Variants in GRIA4 observed in about 807,000 individuals in gnomAD.
GRIA4 encodes glutamate receptor 4.
A neutral mutation model predicts 104.0 loss-of-function variants in GRIA4; 34 were observed. That is an observed-to-expected ratio of 0.33 (90% CI 0.25 to 0.44). GRIA4 has a LOEUF of 0.44. Among genes scored for constraint, GRIA4 ranks in the 20% least tolerant of loss-of-function variants. The pLI, the probability that GRIA4 is intolerant of heterozygous loss-of-function variation, is 1.00. For synonymous variants in GRIA4, 386 were observed against 381.9 expected (o/e 1.01, Z -0.13); for missense variants, 750 against 1,096.5 (o/e 0.68, Z 4.46).
At chr11:105,901,560 C>T (rs1257252735) in intron 7 of GRIA4, among the ~76,000 whole-genome samples, 2 of 152,070 alleles carry the variant, frequency 1.3e-5, no homozygotes, top group African/African-American at 2.4e-5. Context: ...GATTATAGCA[C>T]AATAAGACAC....
At chr11:105,938,686 G>A (rs533420779) in intron 14 of GRIA4, among the ~76,000 whole-genome samples, 1 of 152,218 alleles carries the variant, frequency 6.6e-6, no homozygotes, top group South Asian at 2.1e-4. Context: ...AAAATCATTT[G>A]CATCTCTCAA....
At chr11:105,630,064 C>T (rs973043922) in intron 3 of GRIA4, among the ~76,000 whole-genome samples, 1 of 152,104 alleles carries the variant, frequency 6.6e-6, no homozygotes, top group Non-Finnish European at 1.5e-5. Flanking sequence ...CATCTGGTCA[C>T]TTTCTTTAGG....
chr11:105,611,160 G>A, intron 2 of GRIA4, 75 bp downstream of exon 2: 2 of 1,011,622 alleles, frequency 2.0e-6, no homozygotes, highest in Non-Finnish European at 3.2e-6. Context: ...ATGAGTTGCT[G>A]ATAAGCAATT....
At chr11:105,676,329 T>C (rs994471587) in intron 3 of GRIA4, among the ~76,000 whole-genome samples, 5 of 151,732 alleles carry the variant, frequency 3.3e-5, no homozygotes, top group Admixed American at 2.0e-4. Flanking sequence ...CAGGAGGCAG[T>C]TTCAGGATTT....
At chr11:105,634,827 T>C (rs2135326577) in intron 3 of GRIA4, among the ~76,000 whole-genome samples, 1 of 152,346 alleles carries the variant, frequency 6.6e-6, no homozygotes, top group African/African-American at 2.4e-5. Context: ...ACATTGTCAG[T>C]TATATTCTAG....
intron 2 of GRIA4, among the ~76,000 whole-genome samples, chr11:105,611,372 C>T (rs1565399904): frequency 6.6e-6 from 1 of 151,894 alleles, no homozygotes; most frequent in African/African-American, 2.4e-5. Context: ...GGAAAGTCTT[C>T]GGGGAATTTG....
chr11:105,684,990 T>TA (rs1347906110), intron 3 of GRIA4, among the ~76,000 whole-genome samples: 1 of 152,132 alleles, frequency 6.6e-6, no homozygotes, highest in Non-Finnish European at 1.5e-5. Flanking sequence ...TCTTGTCAGT[T>TA]AAAAGAAAAG....
intron 10 of GRIA4, among the ~76,000 whole-genome samples, chr11:105,910,956 G>A (rs1223752317): frequency 6.6e-6 from 1 of 152,030 alleles, no homozygotes; most frequent in Non-Finnish European, 1.5e-5. Context: ...AATTAATAGT[G>A]TTTAAAATTA....
intron 3 of GRIA4, among the ~76,000 whole-genome samples, chr11:105,651,039 AT>A (rs1565434994): frequency 6.6e-6 from 1 of 152,156 alleles, no homozygotes; most frequent in Admixed American, 6.6e-5. Flanking sequence ...TAACTTTTCT[AT>A]TTACAAAATG....
At chr11:105,693,621 G>A (rs367617243) in intron 3 of GRIA4, among the ~76,000 whole-genome samples, 2 of 152,020 alleles carry the variant, frequency 1.3e-5, no homozygotes, top group Non-Finnish European at 2.9e-5. Flanking sequence ...GTAAATGCTG[G>A]TTTACATTTT....
intron 7 of GRIA4, among the ~76,000 whole-genome samples, chr11:105,898,979 C>G (rs1383389104): frequency 6.6e-6 from 1 of 152,128 alleles, no homozygotes. Context: ...AGATAGATGA[C>G]TTTCTTAGAC....
chr11:105,856,368 C>A (rs2136002829), intron 4 of GRIA4, among the ~76,000 whole-genome samples: 1 of 152,258 alleles, frequency 6.6e-6, no homozygotes, highest in South Asian at 2.1e-4. Context: ...GAAGCTCTTT[C>A]CACAGCCCAT....
chr11:105,706,776 A>G (rs1953717377), intron 3 of GRIA4: 1 of 152,332 alleles, frequency 6.6e-6, no homozygotes, highest in Admixed American at 6.6e-5. Flanking sequence ...GCAAATTGAG[A>G]CAACGATATT....
chr11:105,964,845 C>T (rs1357572165), intron 14 of GRIA4, among the ~76,000 whole-genome samples: 1 of 143,544 alleles, frequency 7.0e-6, no homozygotes, highest in African/African-American at 2.6e-5. Flanking sequence ...TTGCTCTTGT[C>T]GCCCAGGCTG....
intron 3 of GRIA4, among the ~76,000 whole-genome samples, chr11:105,644,051 A>G (rs754642293): frequency 4.6e-5 from 7 of 152,176 alleles, no homozygotes; most frequent in Non-Finnish European, 1.0e-4. Context: ...TATCAATATG[A>G]TTGACATCAG....
At chr11:105,946,569 C>G (rs1208933399) in intron 14 of GRIA4, among the ~76,000 whole-genome samples, 1 of 151,942 alleles carries the variant, frequency 6.6e-6, no homozygotes, top group Non-Finnish European at 1.5e-5. Flanking sequence ...CTGGGTGACA[C>G]AGCCAGACCC....
In GRIA4 at chr11:105,736,831, G is replaced by A. The variant is rs942867913; in HGVS notation, c.248-16150G>A. On this transcript the variant is annotated intron_variant, in intron 3 of 16. Coordinates refer to ENST00000282499, the MANE Select transcript of GRIA4 (RefSeq NM_000829.4). ...AAAAGCAAAGAAATATATGCTTCAAGTTTTAATGCCTTTAAGATTAAGATT... is the reference window on the plus strand; with the variant it reads ...AAAAGCAAAGAAATATATGCTTCAAATTTTAATGCCTTTAAGATTAAGATT... 2.0e-5 allele frequency among the ~76,000 whole-genome samples: 3 copies of A among 151,944 alleles called. No individual in the cohort carries two copies. The East Asian group carries it at 5.8e-4, about 29-fold the overall frequency.
intron 3 of GRIA4, among the ~76,000 whole-genome samples, chr11:105,658,297 G>A (rs1951905020): frequency 6.6e-6 from 1 of 151,754 alleles, no homozygotes; most frequent in Admixed American, 6.6e-5. Context: ...ATAAAGATAA[G>A]ATGAATTTTT....
intron 3 of GRIA4, among the ~76,000 whole-genome samples, chr11:105,635,337 T>C (rs914163618): frequency 1.4e-4 from 22 of 152,162 alleles, no homozygotes; most frequent in African/African-American, 5.3e-4. Context: ...ATTTGTGACT[T>C]GGAAGAAAAA....
Sources: allele counts gnomAD v4.1 joint callset (sites outside exome capture counted in the v4.1 genomes callset), GRCh38; gene constraint gnomAD v4.1.1; transcripts MANE v1.5; gene names NCBI Gene and HGNC (gene_info 2026-07-23, HGNC 2026-07-21).